The following UIMC1 variants were observed in gnomAD, a reference collection of about 807,000 sequenced individuals.
The protein encoded by UIMC1 is BRCA1-A complex subunit RAP80.
In UIMC1, 42 loss-of-function variants were observed where a neutral mutation model predicts 84.9. That is an observed-to-expected ratio of 0.49 (90% CI 0.39 to 0.64). The LOEUF (loss-of-function observed/expected upper bound fraction) is 0.64. Among genes scored for constraint, UIMC1 ranks in the 30% least tolerant of loss-of-function variants. The pLI is 0.00. For missense variants in UIMC1, 825 were observed against 847.6 expected, an observed-to-expected ratio of 0.97 and a Z score of 0.33; for synonymous variants, 281 against 293.0, an observed-to-expected ratio of 0.96 and a Z score of 0.42.
chr5:176,947,476 C>T (rs1765276806), intron 9 of UIMC1, among the ~76,000 whole-genome samples: 1 of 152,146 alleles, frequency 6.6e-6, no homozygotes, highest in African/African-American at 2.4e-5. Context: ...GGTGTATCTC[C>T]TAATGCTATC....
intron 1 of UIMC1, among the ~76,000 whole-genome samples, chr5:177,002,831 T>C (rs1027017313): frequency 1.3e-5 from 2 of 151,844 alleles, no homozygotes; most frequent in African/African-American, 2.4e-5. Context: ...ATTTGATGAG[T>C]GAATATTTCA....
At chr5:177,003,012 G>A (rs1037236813) in intron 1 of UIMC1, among the ~76,000 whole-genome samples, 18 of 151,870 alleles carry the variant, frequency 1.2e-4, no homozygotes, top group Non-Finnish European at 1.5e-4. Context: ...TACAGGATAC[G>A]CACCTATAAA....
chr5:176,970,271 C>CA (rs57976266), intron 4 of UIMC1: 5,466 of 75,494 alleles, frequency 0.072, 128 homozygotes, highest in Non-Finnish European at 0.089. Context: ...GACTCCATCT[C>CA]AAAAAAAAAA....
chr5:177,016,664 A>G (rs909263618), intron 1 of UIMC1, among the ~76,000 whole-genome samples: 2 of 151,130 alleles, frequency 1.3e-5, no homozygotes. Context: ...CCGAGATCTT[A>G]CCACTGCACT....
chr5:176,980,916 T>C (rs768060267), intron 2 of UIMC1, among the ~76,000 whole-genome samples: 11 of 151,704 alleles, frequency 7.3e-5, no homozygotes, highest in Non-Finnish European at 1.6e-4. Flanking sequence ...AAGTTTTGTA[T>C]TTTTTGTAGA....
At chr5:176,930,439 G>C (rs535023949) in intron 10 of UIMC1, among the ~76,000 whole-genome samples, 1 of 152,242 alleles carries the variant, frequency 6.6e-6, no homozygotes, top group Non-Finnish European at 1.5e-5. Context: ...TTCTAGGTAC[G>C]TGATCTTGGG....
At chr5:176,930,460 C>T (rs902420012) in intron 10 of UIMC1, among the ~76,000 whole-genome samples, 8 of 152,132 alleles carry the variant, frequency 5.3e-5, no homozygotes, top group African/African-American at 1.9e-4. Flanking sequence ...GAAATTATTT[C>T]CCCATCAAGT....
chr5:176,926,628 C>A (rs567071283), intron 10 of UIMC1, among the ~76,000 whole-genome samples: 58 of 150,194 alleles, frequency 3.9e-4, no homozygotes, highest in African/African-American at 1.4e-3. Flanking sequence ...CAAAGCAAGA[C>A]CCTGTCTCAA....
chr5:176,914,888 C>G (rs1190719667), intron 10 of UIMC1, among the ~76,000 whole-genome samples: 1 of 152,172 alleles, frequency 6.6e-6, no homozygotes, highest in Non-Finnish European at 1.5e-5. Flanking sequence ...TATCAACCAG[C>G]CCATACTTCT....
intron 6 of UIMC1, among the ~76,000 whole-genome samples, chr5:176,966,980 C>A (rs531061304): frequency 2.0e-5 from 3 of 152,262 alleles, no homozygotes; most frequent in African/African-American, 7.2e-5. Context: ...ATTAAGACTA[C>A]ACTGAGACGC....
At chr5:176,990,638 A>T (rs1278882555) in intron 1 of UIMC1, among the ~76,000 whole-genome samples, 2 of 152,128 alleles carry the variant, frequency 1.3e-5, no homozygotes, top group Non-Finnish European at 2.9e-5. Context: ...CTTTGTACAA[A>T]TGTTGCCATA....
chr5:177,009,267 C>T (rs1775493209), upstream of UIMC1, among the ~76,000 whole-genome samples: 1 of 151,884 alleles, frequency 6.6e-6, no homozygotes, highest in African/African-American at 2.4e-5. This position sits in a 1 kb window ranked among gnomAD's most constrained non-coding sequence, Gnocchi z 4.3. Context: ...CCTCAGCCTC[C>T]CAAAGTGCTG....
intron 1 of UIMC1, among the ~76,000 whole-genome samples, chr5:177,000,102 C>A (rs554573022): frequency 4.6e-5 from 7 of 152,098 alleles, no homozygotes; most frequent in African/African-American, 1.4e-4. Flanking sequence ...GGGATACAGG[C>A]GCCCGCCACC....
At chr5:176,915,440 T>C (rs1760846107) in intron 10 of UIMC1, among the ~76,000 whole-genome samples, 1 of 151,150 alleles carries the variant, frequency 6.6e-6, no homozygotes, top group South Asian at 2.1e-4. Context: ...TATCATTATT[T>C]CTATTTTACA....
At chr5:176,943,514 A>G (rs766082395) in intron 9 of UIMC1, 26 bp from the exon 10 acceptor site, 14 of 1,611,484 alleles carry the variant, frequency 8.7e-6, no homozygotes, top group Admixed American at 5.0e-5. Context: ...AACAGCAATC[A>G]TAACAGCTTT....
At chr5:176,952,839 T>TA (rs1459905125) in intron 8 of UIMC1, among the ~76,000 whole-genome samples, 1 of 152,076 alleles carries the variant, frequency 6.6e-6, no homozygotes, top group Non-Finnish European at 1.5e-5. Flanking sequence ...TGTAGACACA[T>TA]ATCACTTAAT....
Position 176,907,325 on chromosome 5 carries a change from G to T in UIMC1, c.1849-148C>A, listed in dbSNP as rs543784783. On this transcript the variant is annotated intron_variant, in intron 12 of 14. Transcript: ENST00000511320. ...GTCTTTTGCTTTCTAATAAACGAGG[G>T]TTTCACAAGTGAAAAAGCAAACTAT... 6.5e-5 allele frequency: 45 copies of T among 696,182 alleles called. No individual in the cohort carries two copies. The South Asian group carries it at 7.3e-4, about 11-fold the overall frequency. The allele number at this position is 696,182 out of a possible 1,614,324, so 43.1% of individuals were successfully genotyped here. A position where few individuals can be genotyped will look rare whatever the true frequency, so the allele number is the denominator to read the frequency against.
chr5:176,931,755 G>C (rs1236878380), intron 10 of UIMC1, among the ~76,000 whole-genome samples: 3 of 152,186 alleles, frequency 2.0e-5, no homozygotes, highest in African/African-American at 7.2e-5. Context: ...AGGAGGCCAA[G>C]GCAGATGGAT....
At chr5:176,998,628 G>A (rs561338256) in intron 1 of UIMC1, among the ~76,000 whole-genome samples, 93 of 151,990 alleles carry the variant, frequency 6.1e-4, no homozygotes, top group African/African-American at 2.1e-3. Context: ...TTAGCCAGGC[G>A]TGGTGGTGCA....
Sources: allele counts gnomAD v4.1 joint callset (sites outside exome capture counted in the v4.1 genomes callset), GRCh38; gene constraint gnomAD v4.1.1; non-coding constraint Gnocchi (gnomAD v3.1); transcripts MANE v1.5; gene names NCBI Gene and HGNC (gene_info 2026-07-23, HGNC 2026-07-21).